Variants in YAF2 observed in about 807,000 individuals in gnomAD.
The protein encoded by YAF2 is YY1-associated factor 2.
YAF2 carries 7 observed loss-of-function variants against 20.1 expected under a neutral mutation model. That is an observed-to-expected ratio of 0.35 (90% CI 0.20 to 0.65). The LOEUF is 0.65. Ranked by LOEUF, YAF2 falls within the 30% of genes least tolerant of loss-of-function variation. The pLI is 0.69. For missense variants in YAF2, 151 were observed against 219.2 expected (o/e 0.69, Z 1.96); for synonymous variants, 74 against 76.0 (o/e 0.97, Z 0.14).
chr12:42,162,296 A>G (rs894240977), intron 2 of YAF2, among the ~76,000 whole-genome samples: 2 of 152,154 alleles, frequency 1.3e-5, no homozygotes, highest in South Asian at 2.1e-4. Context: ...CAATCTCACC[A>G]TGCTCTTTTG....
intron 2 of YAF2, among the ~76,000 whole-genome samples, chr12:42,207,705 A>C (rs1460234531): frequency 6.6e-6 from 1 of 152,102 alleles, no homozygotes; most frequent in Non-Finnish European, 1.5e-5. Flanking sequence ...ATCCTGGCTA[A>C]CACGGTGAAA....
chr12:42,228,398 G>A (rs1287131450), intron 2 of YAF2, among the ~76,000 whole-genome samples: 6 of 61,626 alleles, frequency 9.7e-5, no homozygotes, highest in South Asian at 8.6e-4. Context: ...CTCTCTGCCC[G>A]GCCAGCCGCC....
rs78539383 is a variant in YAF2, at chr12:42,175,234, C to T, written c.153-13469G>A. Among the ~76,000 whole-genome samples the T allele has an allele frequency of 2.0e-3, 310 of 152,104 alleles. 1 individual carries two copies. The highest frequency in any genetic ancestry group is 1.8e-3 in the Non-Finnish European group (120 of 67,990). On this transcript the variant is annotated intron_variant, in intron 2 of 3. Coordinates refer to ENST00000534854, the MANE Select transcript of YAF2 (RefSeq NM_005748.6). ...CACTGACACTCAAGAGGAGTTATGC[C>T]GAGTGAAAGAGATTGGACCAAAAAA...
chr12:42,167,415 C>A (rs910934740), intron 2 of YAF2, among the ~76,000 whole-genome samples: 2 of 151,888 alleles, frequency 1.3e-5, no homozygotes, highest in Non-Finnish European at 2.9e-5. Context: ...TAAAAGGGAC[C>A]AAAAGGTCCA....
intron 2 of YAF2, among the ~76,000 whole-genome samples, chr12:42,182,048 T>C (rs1395770634): frequency 6.6e-6 from 1 of 152,132 alleles, no homozygotes; most frequent in East Asian, 1.9e-4. Flanking sequence ...AGTACCTCTC[T>C]GCCAAACAAA....
chr12:42,177,317 T>G (rs2066221484), intron 2 of YAF2, among the ~76,000 whole-genome samples: 1 of 152,174 alleles, frequency 6.6e-6, no homozygotes, highest in Non-Finnish European at 1.5e-5. Context: ...CAGCAGATAT[T>G]TATTTTCTCA....
chr12:42,192,189 A>C (rs2066630928), intron 2 of YAF2, among the ~76,000 whole-genome samples: 1 of 152,166 alleles, frequency 6.6e-6, no homozygotes, highest in Non-Finnish European at 1.5e-5. Context: ...CCAGGCCAAG[A>C]AGGGCTTTAT....
chr12:42,190,835 T>C (rs1490541817), intron 2 of YAF2, among the ~76,000 whole-genome samples: 3 of 152,142 alleles, frequency 2.0e-5, no homozygotes, highest in South Asian at 4.1e-4. Context: ...GTTTGGTTTC[T>C]GGCTCTCCCT....
chr12:42,181,270 C>G (rs561322047), intron 2 of YAF2, among the ~76,000 whole-genome samples: 50 of 152,306 alleles, frequency 3.3e-4, no homozygotes, highest in African/African-American at 1.2e-3. Flanking sequence ...TTAATGTGTG[C>G]TTATTCCTGT....
intron 2 of YAF2, among the ~76,000 whole-genome samples, chr12:42,227,490 C>T (rs200972161): frequency 0.32 from 41,671 of 130,098 alleles, 6,673 homozygotes; most frequent in South Asian, 0.42. Flanking sequence ...TCTGCCCCGC[C>T]GCCCCATCTG....
intron 2 of YAF2, among the ~76,000 whole-genome samples, chr12:42,190,869 T>C (rs747003455): frequency 2.0e-5 from 3 of 152,100 alleles, no homozygotes; most frequent in Non-Finnish European, 4.4e-5. Context: ...TAAAATTTCA[T>C]TGTAGAGTAT....
chr12:42,180,219 C>T (rs2066307732), intron 2 of YAF2, among the ~76,000 whole-genome samples: 1 of 152,174 alleles, frequency 6.6e-6, no homozygotes, highest in Non-Finnish European at 1.5e-5. Flanking sequence ...ACAGCAAAAA[C>T]CGATTGGATG....
intron 2 of YAF2, chr12:42,235,278 A>C: frequency 7.0e-6 from 7 of 998,744 alleles, no homozygotes; most frequent in Non-Finnish European, 8.4e-6. Context: ...CTGTTCATTA[A>C]TAAGTCAATT....
At chr12:42,219,919 A>G (rs1184601430) in intron 2 of YAF2, among the ~76,000 whole-genome samples, 1 of 152,128 alleles carries the variant, frequency 6.6e-6, no homozygotes, top group Non-Finnish European at 1.5e-5. Flanking sequence ...ACATAACAAC[A>G]CATCTCCACA....
At chr12:42,214,432 C>T (rs1326299098) in intron 2 of YAF2, among the ~76,000 whole-genome samples, 2 of 152,002 alleles carry the variant, frequency 1.3e-5, no homozygotes, top group African/African-American at 2.4e-5. Context: ...CTACCATGCC[C>T]GGCTAATTTT....
rs567960650 is a variant in YAF2, at chr12:42,159,889, T to C, written c.*700A>G. 1 of 152,622 alleles carries C rather than the reference T, an allele frequency of 6.6e-6. No homozygotes were observed. Among genetic ancestry groups the C allele is most frequent in the African/African-American group, 2.4e-5 (1 of 41,562 alleles). The allele number at this position is 152,622 out of a possible 1,614,324, so 9.5% of individuals were successfully genotyped here. On this transcript the variant is annotated 3_prime_UTR_variant, in exon 4 of 4. Coordinates refer to ENST00000534854, the MANE Select transcript of YAF2 (RefSeq NM_005748.6). ...ACTAAACCTGAATTATAAAGCTAAA[T>C]AATCAATGTTTTATTGTTTACTAGT...
intron 2 of YAF2, among the ~76,000 whole-genome samples, chr12:42,181,241 C>A (rs993161641): frequency 2.0e-5 from 3 of 152,218 alleles, no homozygotes; most frequent in Admixed American, 1.3e-4. Context: ...TGGTGTTTCA[C>A]TTCTTTGTGA....
At chr12:42,230,214 G>A (rs1445495856) in intron 2 of YAF2, among the ~76,000 whole-genome samples, 2 of 152,044 alleles carry the variant, frequency 1.3e-5, no homozygotes, top group Admixed American at 6.6e-5. Context: ...CCAAGATCGC[G>A]CTACTGCACT....
intron 2 of YAF2, among the ~76,000 whole-genome samples, chr12:42,191,016 T>C (rs2066598999): frequency 6.6e-6 from 1 of 152,162 alleles, no homozygotes. Flanking sequence ...TTTTTTTCTC[T>C]TTACAACAAC....
Sources: allele counts gnomAD v4.1 joint callset (sites outside exome capture counted in the v4.1 genomes callset), GRCh38; gene constraint gnomAD v4.1.1; transcripts MANE v1.5; gene names NCBI Gene and HGNC (gene_info 2026-07-23, HGNC 2026-07-21).